The following EHBP1 variants were observed in gnomAD, a reference collection of about 807,000 sequenced individuals.
EHBP1 encodes the protein EH domain binding protein 1, also known as EH domain-binding protein 1.
EHBP1 carries 55 observed loss-of-function variants against 144.0 expected under a neutral mutation model. That is an observed-to-expected ratio of 0.38 (90% CI 0.31 to 0.48). The LOEUF (loss-of-function observed/expected upper bound fraction) is 0.48. Ranked by LOEUF, EHBP1 falls within the 20% of genes least tolerant of loss-of-function variation. The probability of loss-of-function intolerance (pLI) is 0.98; values close to 1 mark genes in which losing one functional copy is unlikely to be tolerated. For missense variants in EHBP1, 1,200 were observed against 1,364.2 expected, an observed-to-expected ratio of 0.88 and a Z score of 1.90; for synonymous variants, 469 against 472.7, an observed-to-expected ratio of 0.99 and a Z score of 0.10.
intron 10 of EHBP1, among the ~76,000 whole-genome samples, chr2:62,927,787 C>T (rs763331476): frequency 1.2e-3 from 184 of 152,214 alleles, no homozygotes; most frequent in Non-Finnish European, 1.5e-3. Context: ...CAAAAAACTG[C>T]GCAACAACAG....
chr2:62,750,339 C>T (rs1012670572), intron 3 of EHBP1, among the ~76,000 whole-genome samples: 4 of 152,112 alleles, frequency 2.6e-5, no homozygotes, highest in African/African-American at 9.7e-5. Context: ...TTCTATTGAT[C>T]TATATCTCTG....
intron 13 of EHBP1, among the ~76,000 whole-genome samples, chr2:62,950,779 A>G (rs1303940893): frequency 6.6e-6 from 1 of 151,934 alleles, no homozygotes; most frequent in East Asian, 1.9e-4. Context: ...TGTGCCTCCC[A>G]GGTTCAAGCA....
intron 3 of EHBP1, among the ~76,000 whole-genome samples, chr2:62,761,603 A>T (rs375157467): frequency 2.6e-5 from 4 of 152,106 alleles, no homozygotes; most frequent in African/African-American, 7.2e-5. Flanking sequence ...CAGTTTTTCA[A>T]TCTGTTAAAT....
chr2:62,757,693 C>G (rs1558620463), intron 3 of EHBP1, among the ~76,000 whole-genome samples: 1 of 152,014 alleles, frequency 6.6e-6, no homozygotes, highest in Non-Finnish European at 1.5e-5. Context: ...CTTGGCCTTC[C>G]AAAGTGCTGG....
chr2:62,698,940 C>T (rs1417347580), intron 1 of EHBP1, among the ~76,000 whole-genome samples: 3 of 152,334 alleles, frequency 2.0e-5, no homozygotes, highest in Middle Eastern at 3.4e-3. Flanking sequence ...GGCTCATGCC[C>T]AGTGCCCTGG....
chr2:62,690,064 T>G (rs2033851169), intron 1 of EHBP1, among the ~76,000 whole-genome samples: 1 of 152,188 alleles, frequency 6.6e-6, no homozygotes, highest in South Asian at 2.1e-4. Context: ...TAGTTGAAGT[T>G]TCAGGCAGAC....
chr2:63,020,323 C>CAAAAAAAAAAA (rs1001418542), intron 19 of EHBP1, among the ~76,000 whole-genome samples: 3 of 45,254 alleles, frequency 6.6e-5, no homozygotes, highest in African/African-American at 1.7e-4. Context: ...GACTCTGTCT[C>CAAAAAAAAAAA]AAAAAAAAAA....
rs140524229 is a variant in EHBP1 at position 62,717,033 on chromosome 2, G to T, written c.104+9738G>T. ...CCCTCTGCCTTGGCCCCTCAAAAGT[G>T]CTGGGATTACAGGTGTAAGGACCAT... is the stretch of plus-strand genomic sequence containing the variant. On this transcript the variant is annotated intron_variant, in intron 2 of 22. Coordinates refer to ENST00000431489, the MANE Select transcript of EHBP1 (RefSeq NM_001142616.3). Among the ~76,000 whole-genome samples, 131 of 152,272 alleles carry T rather than the reference G, an allele frequency of 8.6e-4. 2 individuals carry two copies. The highest frequency in any genetic ancestry group is 2.9e-3 in the African/African-American group (120 of 41,540).
At chr2:63,041,685 C>T (rs544205454) in intron 21 of EHBP1, among the ~76,000 whole-genome samples, 3 of 152,232 alleles carry the variant, frequency 2.0e-5, no homozygotes, top group South Asian at 2.1e-4. Context: ...TTAGGTACAG[C>T]GGTAGAATCC....
intron 1 of EHBP1, among the ~76,000 whole-genome samples, chr2:62,691,684 G>T (rs555185903): frequency 6.6e-6 from 1 of 152,248 alleles, no homozygotes; most frequent in African/African-American, 2.4e-5. Flanking sequence ...GAACAGAATG[G>T]TGTTAAACCT....
intron 2 of EHBP1, among the ~76,000 whole-genome samples, chr2:62,710,328 A>G (rs1001493189): frequency 1.6e-4 from 24 of 151,972 alleles, no homozygotes; most frequent in Non-Finnish European, 4.4e-5. Flanking sequence ...AATACGTATT[A>G]TATTTTGTAT....
chr2:62,783,163 G>A (rs1408549383), intron 5 of EHBP1, among the ~76,000 whole-genome samples: 5 of 152,188 alleles, frequency 3.3e-5, no homozygotes, highest in Admixed American at 6.5e-5. Flanking sequence ...GCTAGGTCAC[G>A]CTGATGCAAG....
At position 62,815,416 on chromosome 2, in the gene EHBP1, T is replaced by C. The variant is rs534271778; in HGVS notation, c.313-10671T>C. Among the ~76,000 whole-genome samples the C allele has an allele frequency of 5.2e-4, 79 of 152,342 alleles. 1 individual carries two copies. In the South Asian group the frequency reaches 0.016, roughly 30 times the overall value. On this transcript the variant is annotated intron_variant, in intron 5 of 22. Transcript: ENST00000431489. ...ACTGTTCTTGATGTGGTAAAATTAT[T>C]AATTTCATTACATGTCAACACTAGA...
intron 7 of EHBP1, among the ~76,000 whole-genome samples, chr2:62,832,013 A>G (rs1040264677): frequency 6.6e-6 from 1 of 152,330 alleles, no homozygotes; most frequent in African/African-American, 2.4e-5. Flanking sequence ...GAAGACCTTC[A>G]CTTCCATTCC....
rs747641073 is a variant in EHBP1 at position 62,826,093 on chromosome 2, C to T, written c.319C>T (p.Pro107Ser). Residue 107 changes from proline to serine, a missense_variant, in exon 6 of 23, where the codon CCT (proline) becomes TCT (serine). Physicochemically the swap from Pro to Ser is moderately conservative, Grantham distance 74. Coordinates refer to ENST00000431489, the MANE Select transcript of EHBP1 (RefSeq NM_001142616.3). ...EWTFVIENES[P>S]SGRRKALATS... ...TTTTTCTTTAATCTTCCAGGAATCCCCTTCTGGTCGAAGGAAAGCTCTTGC... is the reference window on the plus strand; with the variant it reads ...TTTTTCTTTAATCTTCCAGGAATCCTCTTCTGGTCGAAGGAAAGCTCTTGC... 6.8e-7 allele frequency: 1 copy of T among 1,462,570 alleles called. No homozygotes were observed. Among genetic ancestry groups the T allele is most frequent in the Admixed American group, 2.5e-5 (1 of 40,210 alleles). 90.6% of individuals were successfully genotyped at this position (1,462,570 alleles called of 1,614,324 possible). A position where few individuals can be genotyped will look rare whatever the true frequency, so the allele number is the denominator to read the frequency against.
chr2:62,883,418 T>C (rs1410507677), intron 10 of EHBP1, among the ~76,000 whole-genome samples: 2 of 152,234 alleles, frequency 1.3e-5, no homozygotes, highest in African/African-American at 4.8e-5. Context: ...AGCACCATGC[T>C]TCTCTTGGAA....
At chr2:62,750,145 T>G (rs1296997869) in intron 3 of EHBP1, among the ~76,000 whole-genome samples, 1 of 152,238 alleles carries the variant, frequency 6.6e-6, no homozygotes, top group African/African-American at 2.4e-5. Flanking sequence ...TAATCCATCT[T>G]GAATTAATTT....
chr2:62,843,545 G>GT (rs1558777675), intron 7 of EHBP1, among the ~76,000 whole-genome samples: 1 of 152,080 alleles, frequency 6.6e-6, no homozygotes. Context: ...TGATATTACA[G>GT]TTTTTTTCTT....
At chr2:62,909,962 T>C (rs2054089404) in intron 10 of EHBP1, among the ~76,000 whole-genome samples, 1 of 152,048 alleles carries the variant, frequency 6.6e-6, no homozygotes, top group South Asian at 2.1e-4. Flanking sequence ...CTTCACCATG[T>C]TGGCCAGGTC....
Sources: gnomAD v4.1 joint callset for allele counts (sites outside exome capture counted in the v4.1 genomes callset) on GRCh38, gnomAD v4.1.1 for gene constraint, MANE v1.5 for transcripts, NCBI Gene and HGNC (gene_info 2026-07-23, HGNC 2026-07-21) for gene names.